ASTN2: variants seen among roughly 807,000 people sequenced by gnomAD.
The protein encoded by ASTN2 is astrotactin 2, also known as astrotactin-2.
In ASTN2, 54 loss-of-function variants were observed where a neutral mutation model predicts 139.8. That is an observed-to-expected ratio of 0.39 (90% confidence interval 0.31 to 0.48). The LOEUF (loss-of-function observed/expected upper bound fraction) is 0.48. ASTN2 is among the 20% of genes least tolerant of loss of function. The pLI is 0.95. For missense variants in ASTN2, 1,565 were observed against 1,725.1 expected (o/e 0.91, Z 1.64); for synonymous variants, 756 against 719.5 (o/e 1.05, Z -0.81).
intron 20 of ASTN2, among the ~76,000 whole-genome samples, chr9:116,452,810 A>G (rs1211135390): frequency 6.6e-6 from 1 of 152,206 alleles, no homozygotes; most frequent in Non-Finnish European, 1.5e-5. Context: ...GAGGAAGTTA[A>G]AGTTTATTAG....
intron 11 of ASTN2, among the ~76,000 whole-genome samples, chr9:116,833,435 CTT>C (rs11288397): frequency 2.9e-5 from 4 of 138,970 alleles, no homozygotes; most frequent in African/African-American, 7.9e-5. Flanking sequence ...TTATTTTGCT[CTT>C]TTTTTTTTTT....
At chr9:117,184,981 C>G (rs4838266) in intron 3 of ASTN2, among the ~76,000 whole-genome samples, 79,218 of 151,924 alleles carry the variant, frequency 0.52, 20,872 homozygotes, top group East Asian at 0.68. Context: ...GCCAGCTTCA[C>G]AGGTAAGGAA....
intron 13 of ASTN2, among the ~76,000 whole-genome samples, chr9:116,798,566 C>T (rs753754727): frequency 1.3e-5 from 2 of 152,160 alleles, no homozygotes; most frequent in East Asian, 3.9e-4. Flanking sequence ...TATGTCTGTG[C>T]CTTTGCTTCT....
intron 5 of ASTN2, among the ~76,000 whole-genome samples, chr9:117,094,842 T>A (rs1180496438): frequency 1.3e-5 from 2 of 152,124 alleles, no homozygotes; most frequent in Admixed American, 1.3e-4. Flanking sequence ...CCAAAATTCA[T>A]CCACAACCCC....
At chr9:117,189,732 C>T (rs572433750) in intron 3 of ASTN2, among the ~76,000 whole-genome samples, 1 of 152,270 alleles carries the variant, frequency 6.6e-6, no homozygotes, top group Admixed American at 6.5e-5. Flanking sequence ...GGCATCTTAA[C>T]TACTTTATCC....
At chr9:116,775,303 A>G (rs35004236) in intron 13 of ASTN2, among the ~76,000 whole-genome samples, 1 of 151,714 alleles carries the variant, frequency 6.6e-6, no homozygotes, top group Non-Finnish European at 1.5e-5. Flanking sequence ...TTTAATGTGG[A>G]CCCATTCTTT....
chr9:116,820,138 G>A (rs1457814603), intron 12 of ASTN2, among the ~76,000 whole-genome samples: 1 of 152,166 alleles, frequency 6.6e-6, no homozygotes, highest in Non-Finnish European at 1.5e-5. Flanking sequence ...TACAGATACG[G>A]ACATTAGGAC....
chr9:117,122,224 A>G (rs1829575967), intron 4 of ASTN2, among the ~76,000 whole-genome samples: 1 of 152,176 alleles, frequency 6.6e-6, no homozygotes, highest in Non-Finnish European at 1.5e-5. Context: ...TATCAAGAAA[A>G]CATGCAGCCA....
At chr9:117,317,948 C>G (rs1828199830) in intron 1 of ASTN2, among the ~76,000 whole-genome samples, 1 of 152,204 alleles carries the variant, frequency 6.6e-6, no homozygotes, top group Non-Finnish European at 1.5e-5. Flanking sequence ...CACACCTGGT[C>G]AGAGGAGCTG....
chr9:117,405,742 T>C (rs1190975938), intron 1 of ASTN2, among the ~76,000 whole-genome samples: 1 of 152,252 alleles, frequency 6.6e-6, no homozygotes, highest in African/African-American at 2.4e-5. Context: ...CCTGGAACCA[T>C]GGTGTATCAT....
At chr9:116,731,205 A>G (rs1017742290) in intron 14 of ASTN2, among the ~76,000 whole-genome samples, 8 of 148,328 alleles carry the variant, frequency 5.4e-5, no homozygotes, top group Non-Finnish European at 1.2e-4. Flanking sequence ...AATAATAATA[A>G]TAATAATAAT....
chr9:116,597,979 G>A (rs1000236431), intron 19 of ASTN2, among the ~76,000 whole-genome samples: 2 of 152,082 alleles, frequency 1.3e-5, no homozygotes, highest in African/African-American at 4.8e-5. Flanking sequence ...ATTATAACAG[G>A]GCTCATAATT....
intron 16 of ASTN2, among the ~76,000 whole-genome samples, chr9:116,660,041 TTAAC>T (rs1858461352): frequency 6.6e-6 from 1 of 152,140 alleles, no homozygotes; most frequent in Non-Finnish European, 1.5e-5. Flanking sequence ...AATTAAACAA[TTAAC>T]TAACTAGGTA....
chr9:117,049,970 AAAG>A (rs1838867925), intron 5 of ASTN2, among the ~76,000 whole-genome samples: 1 of 152,152 alleles, frequency 6.6e-6, no homozygotes, highest in Non-Finnish European at 1.5e-5. Context: ...AATAAATGAG[AAAG>A]AAGGAGAAAG....
intron 2 of ASTN2, among the ~76,000 whole-genome samples, chr9:117,244,155 G>A (rs530839658): frequency 1.3e-5 from 2 of 152,094 alleles, no homozygotes; most frequent in Non-Finnish European, 2.9e-5. Flanking sequence ...CTTTGGCCAT[G>A]ATTGCAAGTT....
intron 20 of ASTN2, among the ~76,000 whole-genome samples, chr9:116,447,169 C>T (rs1412839267): frequency 6.6e-6 from 1 of 152,108 alleles, no homozygotes; most frequent in Admixed American, 6.5e-5. Flanking sequence ...GCTGAGTCAT[C>T]CATCCCCTTC....
intron 7 of ASTN2, among the ~76,000 whole-genome samples, chr9:116,979,644 T>C (rs1211458880): frequency 6.6e-6 from 1 of 152,110 alleles, no homozygotes; most frequent in Admixed American, 6.6e-5. Context: ...CTCCCAGGAC[T>C]GATTTATGAT....
chr9:116,845,104 A>G (rs978925091), intron 11 of ASTN2, among the ~76,000 whole-genome samples: 2 of 152,176 alleles, frequency 1.3e-5, no homozygotes, highest in Middle Eastern at 3.4e-3. Flanking sequence ...TGCTCTCTCC[A>G]CTGTACCATA....
intron 10 of ASTN2, among the ~76,000 whole-genome samples, chr9:116,866,535 G>A (rs558655455): frequency 6.6e-6 from 1 of 152,240 alleles, no homozygotes; most frequent in African/African-American, 2.4e-5. Context: ...TGAGGATCCT[G>A]GGAAGACATT....
Sources: allele counts gnomAD v4.1 joint callset (sites outside exome capture counted in the v4.1 genomes callset), GRCh38; gene constraint gnomAD v4.1.1; transcripts MANE v1.5; gene names NCBI Gene and HGNC (gene_info 2026-07-23, HGNC 2026-07-21).